Variants in GART observed in about 807,000 individuals in gnomAD.
GART encodes the protein trifunctional purine biosynthetic protein adenosine-3.
Under a neutral mutation model 107.2 loss-of-function variants are expected in GART, and 43 were observed. The observed-to-expected ratio is 0.40, with a 90% CI of 0.31 to 0.52. GART has a LOEUF of 0.52. GART is among the 20% of genes least tolerant of loss of function. The pLI is 0.52. For synonymous variants in GART, 434 were observed against 427.0 expected, an observed-to-expected ratio of 1.02 and a Z score of -0.20; for missense variants, 1,107 against 1,206.5, an observed-to-expected ratio of 0.92 and a Z score of 1.22.
chr21:33,530,178 G>A (rs953339888), intron 7 of GART, among the ~76,000 whole-genome samples: 16 of 152,194 alleles, frequency 1.1e-4, no homozygotes, highest in East Asian at 3.9e-4. Context: ...GTAACAGAGC[G>A]AGACTCCGTC....
chr21:33,504,323 A>T lies in GART; in HGVS notation c.2842-8T>A, dbSNP rs76254808. 5.9e-4 allele frequency: 953 copies of T among 1,612,834 alleles called. 6 individuals are homozygous for T. The African/African-American group carries it at 0.011, about 19-fold the overall frequency. Reference sequence around the variant, plus strand: ...TCCAGCATCCACATCTTCCTGGAAAAGTAAGCAAAAGTTTTGAACATTACC... The same window carrying T: ...TCCAGCATCCACATCTTCCTGGAAATGTAAGCAAAAGTTTTGAACATTACC... On this transcript the variant is annotated splice_polypyrimidine_tract_variant and splice_region_variant and intron_variant, in intron 21 of 21. Coordinates refer to ENST00000381815, the MANE Select transcript of GART (RefSeq NM_000819.5).
chr21:33,514,121 G>A (rs2084836750), intron 16 of GART, among the ~76,000 whole-genome samples: 1 of 152,044 alleles, frequency 6.6e-6, no homozygotes, highest in African/African-American at 2.4e-5. Context: ...ACAAAAAATA[G>A]CTAAGTGTGG....
At chr21:33,527,496 C>A (rs1017452008) in intron 10 of GART, among the ~76,000 whole-genome samples, 2 of 151,814 alleles carry the variant, frequency 1.3e-5, no homozygotes, top group African/African-American at 4.8e-5. Context: ...GCCTGGGTGA[C>A]AGAGCTAGAG....
chr21:33,523,916 G>A (rs2085018048), intron 11 of GART: 4 of 684,540 alleles, frequency 5.8e-6, no homozygotes, highest in Non-Finnish European at 7.1e-6. Flanking sequence ...GCAGTGAGGC[G>A]AGATCATGCC....
At chr21:33,512,081 C>G (rs992128351) in intron 16 of GART, among the ~76,000 whole-genome samples, 1 of 151,686 alleles carries the variant, frequency 6.6e-6, no homozygotes, top group African/African-American at 2.4e-5. Flanking sequence ...GTCAGGAGAT[C>G]GAGACCACCC....
At chr21:33,534,856 A>C in intron 3 of GART, 103 bp from the exon 4 acceptor site, 2 of 1,000,534 alleles carry the variant, frequency 2.0e-6, no homozygotes, top group Non-Finnish European at 2.8e-6. Flanking sequence ...TAGACAAGGC[A>C]GATGACTGGT....
At chr21:33,522,084 T>C (rs2084983793) in intron 12 of GART, 104 bp downstream of exon 12, 1 of 824,028 alleles carries the variant, frequency 1.2e-6, no homozygotes, top group Non-Finnish European at 2.0e-6. Context: ...AAACTTACAG[T>C]AACCAAGCAT....
Position 33,528,901 on chromosome 21 carries a change from CA to C in GART, c.759del (p.Val254PhefsTer24), listed in dbSNP as rs1294607887. 1 of 1,613,302 alleles carries C rather than the reference CA, an allele frequency of 6.2e-7. No individual in the cohort carries two copies. The highest frequency in any genetic ancestry group is 8.5e-7 in the Non-Finnish European group (1 of 1,179,516). ...SNDLLLKIKDTVLQRTVDGMQ... is the reference protein window; with the variant it reads ...SNDLLLKIKDXVLQRTVDGMQ... ...ATGCCATCCACTGTCCTCTGAAGAACAGTATCTTTAATTTTTAGTAATAGAT... is the reference window on the plus strand; with the variant it reads ...ATGCCATCCACTGTCCTCTGAAGAACGTATCTTTAATTTTTAGTAATAGAT... On this transcript the variant is annotated frameshift_variant, in exon 8 of 22. Coordinates refer to ENST00000381815, the MANE Select transcript of GART (RefSeq NM_000819.5). LOFTEE classifies it high-confidence loss of function.
chr21:33,539,109 G>A, intron 2 of GART, 62 bp downstream of exon 2: 2 of 1,487,246 alleles, frequency 1.3e-6, no homozygotes, highest in Non-Finnish European at 1.8e-6. Flanking sequence ...TACAGATATG[G>A]TTGACAGCAT....
At chr21:33,514,246 C>T (rs1569014927) in intron 16 of GART, among the ~76,000 whole-genome samples, 1 of 151,930 alleles carries the variant, frequency 6.6e-6, no homozygotes, top group East Asian at 1.9e-4. Flanking sequence ...CCAGTTGGGG[C>T]GACAGAGTGA....
At chr21:33,537,330 C>A (rs1049340354) in intron 2 of GART, among the ~76,000 whole-genome samples, 1 of 152,162 alleles carries the variant, frequency 6.6e-6, no homozygotes, top group East Asian at 1.9e-4. Flanking sequence ...TATATACATG[C>A]CACTATCTTC....
At chr21:33,520,778 G>T in intron 13 of GART, 128 bp downstream of exon 13, 1 of 752,856 alleles carries the variant, frequency 1.3e-6, no homozygotes, top group Non-Finnish European at 2.2e-6. Flanking sequence ...AGATATTTTA[G>T]CCATTTTACA....
chr21:33,522,388 A>G (rs1227572135), intron 11 of GART, 106 bp from the exon 12 acceptor site: 6 of 865,706 alleles, frequency 6.9e-6, no homozygotes, highest in South Asian at 1.6e-5. Context: ...CACATACCCT[A>G]AAGTGCTTAA....
In GART at chr21:33,535,286, T is replaced by C. The variant is rs767354865; in HGVS notation, c.180A>G (p.Gln60=). The change falls in exon 3 of 22, where the codon CAA becomes CAG. Residue 60 remains glutamine, a synonymous_variant. Transcript: ENST00000381815. ...ATTCAATTTTCTTCTCTTTGCAGAA[T>C]TGAGCAAGGGCAGTGTGGTCACTGA... The part of the protein sequence containing the change: ...ISISDHTALA[Q]FCKEKKIEFV... 6.9e-6 allele frequency: 11 copies of C among 1,594,680 alleles called. No individual in the cohort carries two copies. The highest frequency in any genetic ancestry group is 1.7e-4 in the Middle Eastern group (1 of 5,994).
chr21:33,506,203 C>T, intron 18 of GART, 99 bp from the exon 19 acceptor site: 2 of 1,345,776 alleles, frequency 1.5e-6, no homozygotes, highest in Non-Finnish European at 2.0e-6. Flanking sequence ...GAGTGCAGTG[C>T]CACGATCTGG....
intron 16 of GART, among the ~76,000 whole-genome samples, chr21:33,515,114 T>A (rs946957405): frequency 6.6e-6 from 1 of 152,192 alleles, no homozygotes; most frequent in Admixed American, 6.6e-5. Flanking sequence ...AAAAACTACA[T>A]GAGCAGCTTC....
chr21:33,531,877 A>G (rs1601220313), intron 5 of GART: 1 of 300,662 alleles, frequency 3.3e-6, no homozygotes, highest in East Asian at 6.5e-5. Flanking sequence ...ACTTCCGATT[A>G]TAATTATACA....
chr21:33,505,803 T>C, intron 19 of GART, 101 bp from the exon 20 acceptor site: 1 of 1,337,952 alleles, frequency 7.5e-7, no homozygotes, highest in Non-Finnish European at 1.0e-6. Context: ...CTTGTAAAGA[T>C]ATACCTGATA....
At chr21:33,532,806 T>C (rs2085218827) in intron 4 of GART, among the ~76,000 whole-genome samples, 1 of 152,156 alleles carries the variant, frequency 6.6e-6, no homozygotes, top group South Asian at 2.1e-4. Flanking sequence ...AATGCGGCTG[T>C]ATAACAACAG....
Sources: allele counts gnomAD v4.1 joint callset (sites outside exome capture counted in the v4.1 genomes callset), GRCh38; gene constraint gnomAD v4.1.1; transcripts MANE v1.5; gene names NCBI Gene and HGNC (gene_info 2026-07-23, HGNC 2026-07-21).